RALGPS1: variants seen among roughly 807,000 people sequenced by gnomAD.
The protein encoded by RALGPS1 is Ral GEF with PH domain and SH3 binding motif 1.
A neutral mutation model predicts 78.8 loss-of-function variants in RALGPS1; 19 were observed. The ratio of observed to expected loss-of-function variants is 0.24; its 90% CI spans 0.17 to 0.35. The LOEUF is 0.35. Among genes scored for constraint, RALGPS1 ranks in the 10% least tolerant of loss-of-function variants. RALGPS1 has a pLI of 1.00. For missense variants in RALGPS1, 454 were observed against 688.3 expected (o/e 0.66, Z 3.81); for synonymous variants, 228 against 256.3 (o/e 0.89, Z 1.06).
chr9:127,177,598 C>T (rs933732990), intron 11 of RALGPS1, among the ~76,000 whole-genome samples: 1 of 152,210 alleles, frequency 6.6e-6, no homozygotes, highest in Non-Finnish European at 1.5e-5. Flanking sequence ...AGCCCCCAGC[C>T]CAGGTCTGCG....
At chr9:127,074,455 T>C (rs1564529090) in intron 8 of RALGPS1, among the ~76,000 whole-genome samples, 1 of 152,218 alleles carries the variant, frequency 6.6e-6, no homozygotes, top group Non-Finnish European at 1.5e-5. Flanking sequence ...GAAGGCATGT[T>C]GCTGTGCAGA....
At chr9:127,086,070 C>T (rs919645465) in intron 8 of RALGPS1, among the ~76,000 whole-genome samples, 5 of 152,132 alleles carry the variant, frequency 3.3e-5, no homozygotes, top group Non-Finnish European at 5.9e-5. Context: ...GAATAATGAT[C>T]CCTCCTTCAC....
chr9:127,014,906 A>T (rs1477737023), intron 4 of RALGPS1, among the ~76,000 whole-genome samples: 1 of 152,176 alleles, frequency 6.6e-6, no homozygotes, highest in Non-Finnish European at 1.5e-5. Context: ...ACCTGGATGC[A>T]CTTGTATAGT....
intron 8 of RALGPS1, chr9:127,088,603 A>T: frequency 2.8e-6 from 1 of 356,586 alleles, no homozygotes; most frequent in South Asian, 3.2e-5. Flanking sequence ...ACATACGTGC[A>T]CAAGGGAGGC....
chr9:127,127,028 G>T (rs1378833828), intron 8 of RALGPS1, among the ~76,000 whole-genome samples: 3 of 152,178 alleles, frequency 2.0e-5, no homozygotes, highest in African/African-American at 7.2e-5. Context: ...GCCTTCTGTT[G>T]TGCTCCTTGG....
At chr9:127,134,663 A>C (rs2057272482) in intron 8 of RALGPS1, among the ~76,000 whole-genome samples, 1 of 152,170 alleles carries the variant, frequency 6.6e-6, no homozygotes, top group Non-Finnish European at 1.5e-5. Context: ...TTGCTCCCTA[A>C]ACTGACTCAG....
intron 5 of RALGPS1, among the ~76,000 whole-genome samples, chr9:127,045,370 G>A (rs1357403118): frequency 6.6e-6 from 1 of 152,184 alleles, no homozygotes; most frequent in Non-Finnish European, 1.5e-5. Flanking sequence ...ATAGAGTGGA[G>A]CCTATAAGGC....
intron 13 of RALGPS1, 117 bp downstream of exon 13, chr9:127,196,748 A>G (rs909879567): frequency 7.9e-7 from 1 of 1,270,360 alleles, no homozygotes; most frequent in Admixed American, 2.5e-5. Context: ...TTGGGGACCC[A>G]GTGGCCCCTC....
At chr9:127,077,566 C>T (rs1046945959) in intron 8 of RALGPS1, among the ~76,000 whole-genome samples, 1 of 152,232 alleles carries the variant, frequency 6.6e-6, no homozygotes, top group Non-Finnish European at 1.5e-5. Context: ...ATGGGGGCCA[C>T]CACCCTAGGA....
chr9:127,053,121 C>T (rs1223766050), intron 7 of RALGPS1, among the ~76,000 whole-genome samples, 182 bp downstream of exon 7: 3 of 152,178 alleles, frequency 2.0e-5, no homozygotes, highest in African/African-American at 7.2e-5. Flanking sequence ...CATTTTGGCA[C>T]CAGGGAATGG....
intron 8 of RALGPS1, among the ~76,000 whole-genome samples, chr9:127,096,978 G>A (rs2053204834): frequency 1.3e-5 from 2 of 152,216 alleles, no homozygotes; most frequent in South Asian, 2.1e-4. Context: ...CACAGCAGGT[G>A]TATGCACCCA....
chr9:127,065,739 C>G (rs1287069421), intron 7 of RALGPS1, among the ~76,000 whole-genome samples: 1 of 152,100 alleles, frequency 6.6e-6, no homozygotes, highest in Non-Finnish European at 1.5e-5. Flanking sequence ...ACCAGTTGTT[C>G]TTAAGGCCTG....
At chr9:126,954,865 C>T (rs2038197109) in intron 1 of RALGPS1, among the ~76,000 whole-genome samples, 1 of 152,204 alleles carries the variant, frequency 6.6e-6, no homozygotes, top group African/African-American at 2.4e-5. Flanking sequence ...AACCCCAGCT[C>T]CTCACCATGG....
intron 1 of RALGPS1, among the ~76,000 whole-genome samples, chr9:126,937,353 G>T (rs2036360072): frequency 6.6e-6 from 1 of 152,170 alleles, no homozygotes; most frequent in South Asian, 2.1e-4. Context: ...GGAAACAAGT[G>T]CACTTAAACA....
chr9:127,142,993 AT>A (rs1327948545), intron 8 of RALGPS1, among the ~76,000 whole-genome samples: 2 of 152,174 alleles, frequency 1.3e-5, no homozygotes, highest in Non-Finnish European at 2.9e-5. Context: ...ATGCTGTAAA[AT>A]TTTTTAAAGC....
At chr9:127,005,735 A>G (rs1206052567) in intron 4 of RALGPS1, among the ~76,000 whole-genome samples, 1 of 152,196 alleles carries the variant, frequency 6.6e-6, no homozygotes, top group East Asian at 1.9e-4. Context: ...GAGAAAGAGG[A>G]ATTCATTCAT....
rs578218167 is a variant in RALGPS1 at position 127,052,618 on chromosome 9, G to A, written c.391-229G>A. 3.3e-5 allele frequency among the ~76,000 whole-genome samples: 5 copies of A among 152,294 alleles called. No individual in the cohort carries two copies. The South Asian group carries it at 6.2e-4, about 19-fold the overall frequency. ...ACTATCAAACCTTACCCCGTGCCAC[G>A]TTTCTGTCCAGACTAGTCAGACTCA... is the stretch of plus-strand genomic sequence containing the variant. On this transcript the variant is annotated intron_variant, in intron 6 of 18. Transcript: ENST00000259351.
intron 3 of RALGPS1, among the ~76,000 whole-genome samples, chr9:126,970,168 A>T (rs2039968054): frequency 6.6e-6 from 1 of 152,160 alleles, no homozygotes; most frequent in African/African-American, 2.4e-5. Flanking sequence ...CAGAACAACT[A>T]GATAGCAAAC....
chr9:126,943,916 A>AC (rs1688911484), intron 1 of RALGPS1, among the ~76,000 whole-genome samples: 1 of 152,132 alleles, frequency 6.6e-6, no homozygotes, highest in African/African-American at 2.4e-5. Flanking sequence ...TGCCAACCTA[A>AC]CCCTTGCCTC....
Sources: gnomAD v4.1 joint callset for allele counts (sites outside exome capture counted in the v4.1 genomes callset) on GRCh38, gnomAD v4.1.1 for gene constraint, MANE v1.5 for transcripts, NCBI Gene and HGNC (gene_info 2026-07-23, HGNC 2026-07-21) for gene names.